The following HS3ST3B1 variants were observed in gnomAD, a reference collection of about 807,000 sequenced individuals.
HS3ST3B1 encodes the protein heparan sulfate-glucosamine 3-sulfotransferase 3B1.
A neutral mutation model predicts 21.3 loss-of-function variants in HS3ST3B1; 13 were observed. That is an observed-to-expected ratio of 0.61 (90% CI 0.40 to 0.97). The LOEUF (loss-of-function observed/expected upper bound fraction) is 0.97. HS3ST3B1 is among the 50% of genes least tolerant of loss of function. The pLI is 0.00. For missense variants in HS3ST3B1, 459 were observed against 554.8 expected (o/e 0.83, Z 1.73); for synonymous variants, 234 against 254.8 (o/e 0.92, Z 0.78).
rs889414471 is a variant in HS3ST3B1, at chr17:14,314,118, T to C, written c.554+12046T>C. ...CCTCAGCCTCCCGAGTAGCTGGGAT[T>C]ACAGGCATGCACCACCAGGCCCGGC... On this transcript the variant is annotated intron_variant, in intron 1 of 1. Coordinates refer to ENST00000360954, the MANE Select transcript of HS3ST3B1 (RefSeq NM_006041.3). 5.3e-5 allele frequency among the ~76,000 whole-genome samples: 8 copies of C among 152,206 alleles called. 1 individual carries two copies. In the South Asian group the frequency reaches 1.0e-3, roughly 20 times the overall value.
At chr17:14,325,226 G>C (rs1448548349) in intron 1 of HS3ST3B1, among the ~76,000 whole-genome samples, 1 of 152,234 alleles carries the variant, frequency 6.6e-6, no homozygotes. Flanking sequence ...GAAGCACATG[G>C]TTAATCCAGC....
At chr17:14,336,141 G>A (rs1910180365) in intron 1 of HS3ST3B1, among the ~76,000 whole-genome samples, 1 of 152,140 alleles carries the variant, frequency 6.6e-6, no homozygotes, top group Non-Finnish European at 1.5e-5. Context: ...GGAAGACTGG[G>A]CCTACCCCAA....
intron 1 of HS3ST3B1, among the ~76,000 whole-genome samples, chr17:14,313,936 C>T (rs988839197): frequency 6.6e-6 from 1 of 152,060 alleles, no homozygotes; most frequent in African/African-American, 2.4e-5. Flanking sequence ...AAATCTCAGA[C>T]ATTATATTGT....
intron 1 of HS3ST3B1, among the ~76,000 whole-genome samples, chr17:14,315,031 C>A (rs144326943): frequency 6.6e-6 from 1 of 152,186 alleles, no homozygotes; most frequent in Non-Finnish European, 1.5e-5. Context: ...TTGATGAAAT[C>A]ATTTTCAGTG....
intron 1 of HS3ST3B1, among the ~76,000 whole-genome samples, chr17:14,308,736 CCAGACTCTCTCGCCAAGGGGT>C (rs1336394475): frequency 2.0e-5 from 3 of 152,118 alleles, no homozygotes. Context: ...GTGTTTCAGC[CCAGACTCTCTCGCCAAGGGGT>C]CACTATTTTA....
At position 14,307,719 on chromosome 17, in the gene HS3ST3B1, C is replaced by T. The variant is rs1909182188; in HGVS notation, c.554+5647C>T. Among the ~76,000 whole-genome samples, 3 of 152,140 alleles carry T rather than the reference C, an allele frequency of 2.0e-5. No homozygotes were observed. The South Asian group carries it at 6.2e-4, about 32-fold the overall frequency. ...TTCTATGTCAGTAGTTTTTTGAATA[C>T]TTTATGTTCTCACTCTATGAACATG... On this transcript the variant is annotated intron_variant, in intron 1 of 1. Coordinates refer to ENST00000360954, the MANE Select transcript of HS3ST3B1 (RefSeq NM_006041.3).
At chr17:14,311,102 T>TC (rs1909290619) in intron 1 of HS3ST3B1, among the ~76,000 whole-genome samples, 1 of 151,940 alleles carries the variant, frequency 6.6e-6, no homozygotes, top group South Asian at 2.1e-4. Context: ...TTTTTTTTTT[T>TC]AAGACAGGGT....
At chr17:14,337,332 A>ATTTTTT (rs35942275) in intron 1 of HS3ST3B1, among the ~76,000 whole-genome samples, 5 of 143,434 alleles carry the variant, frequency 3.5e-5, no homozygotes, top group African/African-American at 1.0e-4. Context: ...TCCTGATTGG[A>ATTTTTT]TTTTTTTTTT....
rs1910555226 is a variant in HS3ST3B1, at chr17:14,345,853, T to C, written c.*207T>C. On this transcript the variant is annotated 3_prime_UTR_variant, in exon 2 of 2. Transcript: ENST00000360954. ...TGTTTAACTCTAGTATTTCGTTCTC[T>C]TCTTCACAATTGATGGTGCTTCTAT... The C allele has an allele frequency of 3.5e-6, 2 of 575,856 alleles. No individual in the cohort carries two copies. The highest frequency in any genetic ancestry group is 5.7e-6 in the Non-Finnish European group (2 of 351,808). 35.7% of individuals were successfully genotyped at this position (575,856 alleles called of 1,614,324 possible). A position where few individuals can be genotyped will look rare whatever the true frequency, so the allele number is the denominator to read the frequency against.
chr17:14,315,906 A>AAAAAC (rs1445589615), intron 1 of HS3ST3B1, among the ~76,000 whole-genome samples: 1 of 152,168 alleles, frequency 6.6e-6, no homozygotes, highest in South Asian at 2.1e-4. Context: ...TACTGTAGCT[A>AAAAAC]AAAACAAAAC....
chr17:14,310,031 A>C (rs536795830), intron 1 of HS3ST3B1, among the ~76,000 whole-genome samples: 1 of 152,156 alleles, frequency 6.6e-6, no homozygotes, highest in African/African-American at 2.4e-5. Flanking sequence ...TCCTCTTTCC[A>C]CCCACTTCTA....
chr17:14,336,720 C>T (rs1262823328), intron 1 of HS3ST3B1, among the ~76,000 whole-genome samples: 1 of 152,206 alleles, frequency 6.6e-6, no homozygotes, highest in Non-Finnish European at 1.5e-5. Flanking sequence ...TTCTGAGCAT[C>T]CTGCCTCAAT....
chr17:14,340,068 T>C (rs1430268332), intron 1 of HS3ST3B1, among the ~76,000 whole-genome samples: 3 of 152,100 alleles, frequency 2.0e-5, no homozygotes, highest in Non-Finnish European at 4.4e-5. Context: ...GCCTGGATGA[T>C]TCTGTGCCAG....
At chr17:14,320,617 A>G (rs1909631464) in intron 1 of HS3ST3B1, among the ~76,000 whole-genome samples, 1 of 152,138 alleles carries the variant, frequency 6.6e-6, no homozygotes, top group African/African-American at 2.4e-5. Context: ...TATTGAACAG[A>G]AATTGCTTTT....
chr17:14,336,237 G>T (rs551443003), intron 1 of HS3ST3B1, among the ~76,000 whole-genome samples: 49 of 152,236 alleles, frequency 3.2e-4, no homozygotes, highest in African/African-American at 9.6e-4. Context: ...GCATCTGTTT[G>T]CCTGTTGTGA....
At position 14,341,015 on chromosome 17, in the gene HS3ST3B1, A is replaced by T. The variant is rs993694529; in HGVS notation, c.555-4013A>T. The stretch of plus-strand genomic sequence containing the variant: ...CTTGAGTGCTTTCTGACACATGTGG[A>T]CAAACACCAGACTGTCCTGGGGAGA... On this transcript the variant is annotated intron_variant, in intron 1 of 1. Coordinates refer to ENST00000360954, the MANE Select transcript of HS3ST3B1 (RefSeq NM_006041.3). 4.6e-5 allele frequency among the ~76,000 whole-genome samples: 7 copies of T among 152,278 alleles called. No individual in the cohort carries two copies. In the South Asian group the frequency reaches 1.5e-3, roughly 32 times the overall value.
intron 1 of HS3ST3B1, among the ~76,000 whole-genome samples, chr17:14,312,925 G>C (rs1258424534): frequency 7.2e-6 from 1 of 138,762 alleles, no homozygotes; most frequent in Non-Finnish European, 1.5e-5. Flanking sequence ...TTTTTCCAGA[G>C]ACAGAGTCTT....
chr17:14,344,422 T>A (rs1910489318), intron 1 of HS3ST3B1, among the ~76,000 whole-genome samples: 2 of 152,204 alleles, frequency 1.3e-5, no homozygotes, highest in African/African-American at 4.8e-5. Context: ...GTGGCATGTT[T>A]GTATCAGTTT....
intron 1 of HS3ST3B1, among the ~76,000 whole-genome samples, chr17:14,309,931 G>A (rs887792216): frequency 1.3e-4 from 20 of 152,158 alleles, no homozygotes; most frequent in African/African-American, 4.3e-4. Flanking sequence ...TGGCAAGAAA[G>A]TGAATTCAGT....
Sources: gnomAD v4.1 joint callset for allele counts (sites outside exome capture counted in the v4.1 genomes callset) on GRCh38, gnomAD v4.1.1 for gene constraint, MANE v1.5 for transcripts, NCBI Gene and HGNC (gene_info 2026-07-23, HGNC 2026-07-21) for gene names.